Variants in GRM5 observed in about 807,000 individuals in gnomAD.
GRM5 encodes metabotropic glutamate receptor 5.
In GRM5, 19 loss-of-function variants were observed where a neutral mutation model predicts 83.1. The ratio of observed to expected loss-of-function variants is 0.23; its 90% CI spans 0.16 to 0.34. The LOEUF (loss-of-function observed/expected upper bound fraction) is 0.34, where lower values mean the gene tolerates loss of function less well. Among genes scored for constraint, GRM5 ranks in the 10% least tolerant of loss-of-function variants. The pLI, the probability that GRM5 is intolerant of heterozygous loss-of-function variation, is 1.00. For synonymous variants in GRM5, 675 were observed against 633.6 expected (o/e 1.07, Z -0.98); for missense variants, 1,160 against 1,588.3 (o/e 0.73, Z 4.58).
chr11:88,843,231 A>T (rs1271491052), intron 3 of GRM5, among the ~76,000 whole-genome samples: 3 of 152,178 alleles, frequency 2.0e-5, no homozygotes, highest in Non-Finnish European at 4.4e-5. Flanking sequence ...CATTATTATT[A>T]TATCTGTTAT....
At chr11:88,781,772 T>C (rs1942980783) in intron 3 of GRM5, among the ~76,000 whole-genome samples, 2 of 152,168 alleles carry the variant, frequency 1.3e-5, no homozygotes, top group Non-Finnish European at 2.9e-5. Flanking sequence ...GAAACTAGCA[T>C]CATGGATTAA....
At chr11:88,957,387 G>C (rs1225947207) in intron 2 of GRM5, among the ~76,000 whole-genome samples, 2 of 152,190 alleles carry the variant, frequency 1.3e-5, no homozygotes, top group Non-Finnish European at 2.9e-5. Context: ...AAAGCAATGT[G>C]GGATGAAATA....
intron 2 of GRM5, among the ~76,000 whole-genome samples, chr11:88,969,340 AC>A (rs1221828572): frequency 6.6e-6 from 1 of 152,068 alleles, no homozygotes; most frequent in African/African-American, 2.4e-5. Context: ...GTATTTTTAT[AC>A]CCCAAACTAA....
In GRM5 at chr11:88,873,704, T is replaced by C. The variant is rs1939090; in HGVS notation, c.662-23549A>G. ...CCAACATACCAAATCCTATGGGATG[T>C]TGAAAAAGAAGTTACAATAGGAAAG... On this transcript the variant is annotated intron_variant, in intron 2 of 9. Coordinates refer to ENST00000305447, the MANE Select transcript of GRM5 (RefSeq NM_001143831.3). Among the ~76,000 whole-genome samples the C allele has an allele frequency of 2.1e-4, 32 of 151,556 alleles. 1 individual carries two copies. Among genetic ancestry groups the C allele is most frequent in the Non-Finnish European group, 2.8e-4 (19 of 67,658 alleles).
At chr11:88,764,546 G>T (rs1204282965) in intron 3 of GRM5, among the ~76,000 whole-genome samples, 3 of 151,224 alleles carry the variant, frequency 2.0e-5, no homozygotes, top group Non-Finnish European at 3.0e-5. Flanking sequence ...ATCAGTAACA[G>T]GTGTAAAAAT....
At chr11:89,033,657 G>A (rs1941316434) in intron 2 of GRM5, among the ~76,000 whole-genome samples, 1 of 151,626 alleles carries the variant, frequency 6.6e-6, no homozygotes, top group South Asian at 2.1e-4. Flanking sequence ...ATAGATTGAA[G>A]GTAAAAGCAA....
intron 3 of GRM5, among the ~76,000 whole-genome samples, chr11:88,764,606 A>G (rs1227414150): frequency 6.6e-6 from 1 of 151,614 alleles, no homozygotes; most frequent in African/African-American, 2.4e-5. Context: ...TAGACAATAC[A>G]TGAATCAAAA....
At chr11:88,947,218 A>G (rs972003164) in intron 2 of GRM5, among the ~76,000 whole-genome samples, 3 of 152,096 alleles carry the variant, frequency 2.0e-5, no homozygotes, top group African/African-American at 7.2e-5. Context: ...TCCCCATTTT[A>G]TCCTACCTCC....
At chr11:88,725,129 C>T (rs1301798837) in intron 3 of GRM5, among the ~76,000 whole-genome samples, 1 of 152,146 alleles carries the variant, frequency 6.6e-6, no homozygotes, top group African/African-American at 2.4e-5. Flanking sequence ...AGCTAAGATA[C>T]GCTGGTTTAA....
intron 3 of GRM5, among the ~76,000 whole-genome samples, chr11:88,713,682 C>A (rs1244007448): frequency 1.3e-5 from 2 of 151,898 alleles, no homozygotes; most frequent in African/African-American, 4.8e-5. Flanking sequence ...GAAAGAAAAA[C>A]AACATTTTTT....
At chr11:89,053,344 T>C (rs1450057923) in intron 1 of GRM5, among the ~76,000 whole-genome samples, 3 of 152,068 alleles carry the variant, frequency 2.0e-5, no homozygotes, top group African/African-American at 4.8e-5. Context: ...TTTAAAAAAA[T>C]CATGACATAG....
At position 89,009,685 on chromosome 11, in the gene GRM5, AG is replaced by A. The variant is rs375697022; in HGVS notation, c.661+37526del. 4.5e-4 allele frequency among the ~76,000 whole-genome samples: 69 copies of A among 151,984 alleles called. No individual in the cohort carries two copies. In the East Asian group the frequency reaches 0.011, roughly 25 times the overall value. ...GCCGAGGCGGGCGGATCACGAGGTC[AG>A]GAGATCGAGACCATCCTGGCTAACA... On this transcript the variant is annotated intron_variant, in intron 2 of 9. Transcript: ENST00000305447.
intron 2 of GRM5, among the ~76,000 whole-genome samples, chr11:89,045,806 T>A (rs1941629691): frequency 6.6e-6 from 1 of 152,176 alleles, no homozygotes; most frequent in Non-Finnish European, 1.5e-5. Context: ...CAATTGGCCT[T>A]TTCAAGCACA....
chr11:88,614,415 A>G (rs1303016182), intron 4 of GRM5, among the ~76,000 whole-genome samples: 1 of 152,164 alleles, frequency 6.6e-6, no homozygotes, highest in Admixed American at 6.6e-5. Context: ...TTTAGTCACT[A>G]TATATTTCTG....
chr11:88,563,236 T>C (rs1942797216), intron 8 of GRM5, among the ~76,000 whole-genome samples: 1 of 152,192 alleles, frequency 6.6e-6, no homozygotes, highest in African/African-American at 2.4e-5. Flanking sequence ...GAAAACAGAC[T>C]AAAGTGCCTT....
At chr11:88,741,797 G>T (rs937835008) in intron 3 of GRM5, among the ~76,000 whole-genome samples, 1 of 152,032 alleles carries the variant, frequency 6.6e-6, no homozygotes, top group African/African-American at 2.4e-5. Flanking sequence ...GTGGCTCAAA[G>T]TTCTGGTGGT....
chr11:89,022,649 C>G (rs974465321), intron 2 of GRM5, among the ~76,000 whole-genome samples: 1 of 152,114 alleles, frequency 6.6e-6, no homozygotes, highest in Non-Finnish European at 1.5e-5. Flanking sequence ...GAGACTCCAT[C>G]TCAAAGAGAT....
chr11:88,609,099 G>A (rs990996699), intron 4 of GRM5, among the ~76,000 whole-genome samples: 1 of 152,122 alleles, frequency 6.6e-6, no homozygotes, highest in Non-Finnish European at 1.5e-5. Context: ...CACCAAGATA[G>A]TGACCATAGT....
chr11:88,755,823 T>C (rs1403785810), intron 3 of GRM5, among the ~76,000 whole-genome samples: 2 of 152,280 alleles, frequency 1.3e-5, no homozygotes, highest in Middle Eastern at 3.4e-3. Context: ...GTGAGAATTT[T>C]CTACCTTAGG....
Sources: allele counts gnomAD v4.1 joint callset (sites outside exome capture counted in the v4.1 genomes callset), GRCh38; gene constraint gnomAD v4.1.1; transcripts MANE v1.5; gene names NCBI Gene and HGNC (gene_info 2026-07-23, HGNC 2026-07-21).